The following ABCB7 variants were observed in gnomAD, a reference collection of about 807,000 sequenced individuals.
ABCB7 encodes the protein iron-sulfur clusters transporter ABCB7, mitochondrial.
Under a neutral mutation model 54.4 loss-of-function variants are expected in ABCB7, and 7 were observed. The observed-to-expected ratio is 0.13, with a 90% CI of 0.07 to 0.24. The LOEUF is 0.24. Ranked by LOEUF, ABCB7 falls within the 10% of genes least tolerant of loss-of-function variation. ABCB7 has a pLI of 1.00. For synonymous variants in ABCB7, 218 were observed against 207.1 expected, an observed-to-expected ratio of 1.05 and a Z score of -0.45; for missense variants, 356 against 570.4, an observed-to-expected ratio of 0.62 and a Z score of 3.83.
intron 3 of ABCB7, among the ~76,000 whole-genome samples, chrX:75,105,209 C>T (rs1477118786): frequency 9.0e-6 from 1 of 110,920 alleles, no homozygotes; most frequent in Non-Finnish European, 1.9e-5. Flanking sequence ...AAATAAAAAG[C>T]ATCCAAACTG....
intron 4 of ABCB7, among the ~76,000 whole-genome samples, chrX:75,081,323 A>AT (rs1288835613): frequency 8.9e-6 from 1 of 111,792 alleles, no homozygotes; most frequent in East Asian, 2.8e-4. Flanking sequence ...CATGCTTGAA[A>AT]TAAGTGAAAA....
At chrX:75,133,928 C>T (rs1312200079) in intron 1 of ABCB7, among the ~76,000 whole-genome samples, 1 of 111,682 alleles carries the variant, frequency 9.0e-6, no homozygotes, top group Non-Finnish European at 1.9e-5. Flanking sequence ...CATAATCAAG[C>T]CTACATAAAA....
In ABCB7 at chrX:75,104,047, GTTTTTTTTTTTTTTTTTTTTTTT is replaced by G. The variant is rs757074347; in HGVS notation, c.334-5009_334-4987del. On this transcript the variant is annotated intron_variant, in intron 3 of 15. Coordinates refer to ENST00000373394, the MANE Select transcript of ABCB7 (RefSeq NM_001271696.3). ...AAATGGGCATCCCTGTCTTGTTACA[GTTTTTTTTTTTTTTTTTTTTTTT>G]TTTTTTTTTTTTTTTGTGGAAAGGC... Among the ~76,000 whole-genome samples, 29 of 13,446 alleles carry G rather than the reference GTTTTTTTTTTTTTTTTTTTTTTT, an allele frequency of 2.2e-3. 1 individual carries two copies. The South Asian group carries it at 0.037, about 17-fold the overall frequency. 11.7% of individuals were successfully genotyped at this position (13,446 alleles called of 115,157 possible).
Position 75,112,900 on chromosome X carries a change from C to T in ABCB7, c.319G>A (p.Asp107Asn). The T allele has an allele frequency of 8.3e-7, 1 of 1,209,849 alleles. No individual in the cohort carries two copies. Among genetic ancestry groups the T allele is most frequent in the Non-Finnish European group, 1.1e-6 (1 of 894,229 alleles). The change falls in exon 3 of 16, where the codon GAC becomes AAC. Residue 107 changes from aspartate (D) to asparagine (N), a missense_variant. Physicochemically the swap from Asp to Asn is conservative, Grantham distance 23. Around this residue, in one of 2 missense-constraint regions of ABCB7, gnomAD observed 115 missense variants for 99.5 expected, o/e 1.16. Transcript: ENST00000373394. ...CTGGCTCTTACCCCTTCTTTTGGGT[C>T]TGTGTGGAGTCCTCCTCCTGCATGA... ...HGHAGGGLHT[D>N]PKEGLKDVDT...
intron 1 of ABCB7, among the ~76,000 whole-genome samples, chrX:75,120,012 AT>A (rs1484343926): frequency 1.8e-5 from 2 of 112,034 alleles, no homozygotes; most frequent in African/African-American, 6.5e-5. Context: ...TAGGACTCTC[AT>A]GGAAAGCTAA....
chrX:75,147,784 T>C (rs1376043566), intron 1 of ABCB7, among the ~76,000 whole-genome samples: 1 of 112,277 alleles, frequency 8.9e-6, no homozygotes, highest in Admixed American at 9.4e-5. Flanking sequence ...TAAGTTTACC[T>C]ATGTAACAAA....
At chrX:75,063,153 T>C (rs1005699808) in intron 13 of ABCB7, among the ~76,000 whole-genome samples, 3 of 111,718 alleles carry the variant, frequency 2.7e-5, no homozygotes, top group African/African-American at 9.7e-5. Flanking sequence ...TAAGCCCACA[T>C]TTATTCCTAA....
intron 4 of ABCB7, among the ~76,000 whole-genome samples, chrX:75,092,571 CATTAAT>C (rs1429072726): frequency 9.0e-6 from 1 of 111,240 alleles, no homozygotes; most frequent in African/African-American, 3.3e-5. Flanking sequence ...AGTAGGACTT[CATTAAT>C]ATTAAGAACT....
chrX:75,111,449 A>G (rs778126346), intron 3 of ABCB7, among the ~76,000 whole-genome samples: 4 of 111,969 alleles, frequency 3.6e-5, no homozygotes, highest in Non-Finnish European at 5.6e-5. Context: ...AATCCCCTTC[A>G]AAATTATCAT....
Position 75,150,375 on chromosome X carries a change from G to A in ABCB7, c.168+5730C>T, listed in dbSNP as rs770218870. Among the ~76,000 whole-genome samples the A allele has an allele frequency of 7.2e-5, 8 of 111,390 alleles. No individual in the cohort carries two copies. The East Asian group carries it at 2.3e-3, about 31-fold the overall frequency. On this transcript the variant is annotated intron_variant, in intron 1 of 15. Coordinates refer to ENST00000373394, the MANE Select transcript of ABCB7 (RefSeq NM_001271696.3). ...GAGATGGATTTCAGGAAAGGAAGGA[G>A]AAAATCAAAACAACAAAAATATCAC... is the stretch of plus-strand genomic sequence containing the variant.
At chrX:75,103,731 T>C (rs2081658653) in intron 3 of ABCB7, among the ~76,000 whole-genome samples, 1 of 111,080 alleles carries the variant, frequency 9.0e-6, no homozygotes, top group African/African-American at 3.3e-5. Context: ...TTGGTAGCTA[T>C]TGTAAGTGGG....
intron 3 of ABCB7, among the ~76,000 whole-genome samples, chrX:75,110,744 A>C (rs2081752957): frequency 1.8e-5 from 2 of 111,995 alleles, no homozygotes; most frequent in African/African-American, 6.5e-5. Context: ...TGCAGGAATA[A>C]AGCTCCAAAA....
intron 1 of ABCB7, among the ~76,000 whole-genome samples, chrX:75,154,682 C>A (rs774250865): frequency 9.0e-6 from 1 of 111,659 alleles, no homozygotes; most frequent in Non-Finnish European, 1.9e-5. Context: ...TCAGCTCTTG[C>A]CTTAGATATC....
At chrX:75,110,217 C>T (rs759094753) in intron 3 of ABCB7, among the ~76,000 whole-genome samples, 2 of 112,004 alleles carry the variant, frequency 1.8e-5, no homozygotes, top group Admixed American at 1.9e-4. Context: ...GAACTACCCG[C>T]CAGACTGATA....
At chrX:75,135,223 C>G (rs1156380059) in intron 1 of ABCB7, among the ~76,000 whole-genome samples, 1 of 108,788 alleles carries the variant, frequency 9.2e-6, no homozygotes, top group Non-Finnish European at 1.9e-5. Flanking sequence ...ACTAGAAAAC[C>G]CAGAAGACAT....
rs898054051 is a variant in ABCB7, at chrX:75,136,379, T to C, written c.168+19726A>G. ...CAAATGGAAAAATATCCCATGCTCA[T>C]GGATATGAAGAATCAAAATTGTTAA... On this transcript the variant is annotated intron_variant, in intron 1 of 15. Transcript: ENST00000373394. Among the ~76,000 whole-genome samples, 6 of 111,624 alleles carry C rather than the reference T, an allele frequency of 5.4e-5. No homozygotes were observed. In the Admixed American group the frequency reaches 5.7e-4, roughly 11 times the overall value.
chrX:75,056,368 A>G (rs937818804), intron 15 of ABCB7, among the ~76,000 whole-genome samples: 1 of 111,836 alleles, frequency 8.9e-6, no homozygotes, highest in African/African-American at 3.2e-5. Context: ...TTTCCCCTTG[A>G]TAATTTTTGT....
In ABCB7 at chrX:75,076,564, G is replaced by A; in HGVS notation, c.544C>T (p.Pro182Ser). The A allele has an allele frequency of 1.7e-6, 2 of 1,210,980 alleles. No individual in the cohort carries two copies. The highest frequency in any genetic ancestry group is 2.2e-6 in the Non-Finnish European group (2 of 894,867). ...SGNMLNLSDA[P>S]NTVATMATAV... ...GTTGCCATGGTTGCAACTGTATTTG[G>A]TGCATCACTCAGGTTCAGCATGTTT... The change falls in exon 5 of 16, where the codon CCA becomes TCA. Residue 182 changes from proline (P) to serine (S), a missense_variant. Physicochemically the swap from Pro to Ser is moderately conservative, Grantham distance 74. Coordinates refer to ENST00000373394, the MANE Select transcript of ABCB7 (RefSeq NM_001271696.3).
At chrX:75,068,384 C>A (rs1267253609) in intron 12 of ABCB7, among the ~76,000 whole-genome samples, 1 of 111,818 alleles carries the variant, frequency 8.9e-6, no homozygotes, top group Non-Finnish European at 1.9e-5. Flanking sequence ...AGGCTATCTA[C>A]TTCTTAACTT....
Sources: allele counts gnomAD v4.1 joint callset (sites outside exome capture counted in the v4.1 genomes callset), GRCh38; gene constraint gnomAD v4.1.1; regional missense constraint gnomAD v4.1.1; transcripts MANE v1.5; gene names NCBI Gene and HGNC (gene_info 2026-07-23, HGNC 2026-07-21).